TNFSF18: variants seen among roughly 807,000 people sequenced by gnomAD.
The protein encoded by TNFSF18 is tumor necrosis factor ligand superfamily member 18.
In TNFSF18, 6 loss-of-function variants were observed where a neutral mutation model predicts 9.6. The ratio of observed to expected loss-of-function variants is 0.63; its 90% CI spans 0.34 to 1.24. The LOEUF (loss-of-function observed/expected upper bound fraction) is 1.24, where lower values mean the gene tolerates loss of function less well. TNFSF18 is among the 50% of genes most tolerant of loss of function. The pLI is 0.03. For missense variants in TNFSF18, 210 were observed against 201.0 expected (o/e 1.04, Z -0.27); for synonymous variants, 68 against 71.7 (o/e 0.95, Z 0.26).
intron 1 of TNFSF18, among the ~76,000 whole-genome samples, chr1:173,048,466 G>C (rs1471799228): frequency 2.0e-5 from 3 of 152,094 alleles, no homozygotes; most frequent in Non-Finnish European, 4.4e-5. Context: ...CCTTCTGAAA[G>C]TATCCTTCAT....
chr1:173,048,375 C>A (rs1313108998), intron 1 of TNFSF18, among the ~76,000 whole-genome samples: 3 of 152,192 alleles, frequency 2.0e-5, no homozygotes, highest in Non-Finnish European at 4.4e-5. Flanking sequence ...CCAAAACAAT[C>A]ATTCTCTCTC....
intron 2 of TNFSF18, among the ~76,000 whole-genome samples, chr1:173,042,024 A>C (rs1665003095): frequency 6.6e-6 from 1 of 152,194 alleles, no homozygotes; most frequent in Non-Finnish European, 1.5e-5. Context: ...AAGGAGAAGA[A>C]AAGACTAATG....
At position 173,041,408 on chromosome 1, in the gene TNFSF18, A is replaced by G. The variant is rs1407062399; in HGVS notation, c.493T>C (p.Trp165Arg). 5 of 1,612,960 alleles carry G rather than the reference A, an allele frequency of 3.1e-6. No individual in the cohort carries two copies. Among genetic ancestry groups the G allele is most frequent in the Non-Finnish European group, 4.2e-6 (5 of 1,179,360 alleles). ...EHQVLKNNTY[W>R]GIILLANPQF... ...GGATTTGCTAGTAAAATGATACCCC[A>G]GTATGTATTATTTTTTAGAACCTGA... The change falls in exon 3 of 3, where the codon TGG becomes CGG. Residue 165 changes from tryptophan (W) to arginine (R), a missense_variant. Transcript: ENST00000404377.
rs1664985561 is a variant in TNFSF18 at position 173,041,274 on chromosome 1, G to A, written c.*93C>T. The A allele has an allele frequency of 1.1e-5, 12 of 1,071,526 alleles. No homozygotes were observed. The South Asian group carries it at 2.0e-4, about 18-fold the overall frequency. 66.4% of individuals were successfully genotyped at this position (1,071,526 alleles called of 1,614,324 possible). A position where few individuals can be genotyped will look rare whatever the true frequency, so the allele number is the denominator to read the frequency against. ...CTGTTTGTGTTGATTTTTGTAGACA[G>A]ACAAACTCTAGAAATTGAATATCTT... On this transcript the variant is annotated 3_prime_UTR_variant, in exon 3 of 3. Transcript: ENST00000404377.
chr1:173,046,738 G>A (rs1452305749), intron 1 of TNFSF18, among the ~76,000 whole-genome samples: 2 of 151,888 alleles, frequency 1.3e-5, no homozygotes, highest in Non-Finnish European at 2.9e-5. Flanking sequence ...CATATTATTA[G>A]TACTTGTATA....
chr1:173,049,126 G>T (rs1328168332), intron 1 of TNFSF18, among the ~76,000 whole-genome samples: 1 of 152,124 alleles, frequency 6.6e-6, no homozygotes, highest in Non-Finnish European at 1.5e-5. Context: ...AAACACATGG[G>T]ATTAATCCAG....
At chr1:173,046,385 G>A (rs1419240720) in intron 1 of TNFSF18, among the ~76,000 whole-genome samples, 1 of 152,146 alleles carries the variant, frequency 6.6e-6, no homozygotes, top group Admixed American at 6.5e-5. Flanking sequence ...GGTATGACAT[G>A]ATAAGAATAT....
At chr1:173,047,302 T>A (rs1665101647) in intron 1 of TNFSF18, among the ~76,000 whole-genome samples, 1 of 152,176 alleles carries the variant, frequency 6.6e-6, no homozygotes, top group Non-Finnish European at 1.5e-5. Context: ...TTAACCCCAA[T>A]TTCCTCATCT....
At chr1:173,045,390 G>T (rs1238859643) in intron 1 of TNFSF18, among the ~76,000 whole-genome samples, 3 of 152,158 alleles carry the variant, frequency 2.0e-5, no homozygotes, top group Admixed American at 2.0e-4. Context: ...GTGATCAGCT[G>T]GTGTCAAATG....
intron 1 of TNFSF18, among the ~76,000 whole-genome samples, chr1:173,048,729 T>TG (rs1195957708): frequency 6.6e-6 from 1 of 152,156 alleles, no homozygotes; most frequent in Non-Finnish European, 1.5e-5. Flanking sequence ...ATCTGGAAAG[T>TG]GGGACTTTGT....
At chr1:173,050,157 C>G (rs1411382097) in intron 1 of TNFSF18, among the ~76,000 whole-genome samples, 3 of 152,130 alleles carry the variant, frequency 2.0e-5, no homozygotes, top group Admixed American at 2.0e-4. Context: ...TAAATCCATT[C>G]CCCTACCACC....
Position 173,041,512 on chromosome 1 carries a change from T to C in TNFSF18, c.389A>G (p.Lys130Arg). The change falls in exon 3 of 3, where the codon AAA becomes AGA. Residue 130 changes from lysine (K) to arginine (R), a missense_variant. Physicochemically the swap from Lys to Arg is conservative, Grantham distance 26 (BLOSUM62 2). Transcript: ENST00000404377. Reference sequence around the variant, plus strand: ...CCCTCCTACATTTTGGATTTTAGATTTGTTTGTTAGAGTTTGTATCATGTC... The same window carrying C: ...CCCTCCTACATTTTGGATTTTAGATCTGTTTGTTAGAGTTTGTATCATGTC... ...NKDMIQTLTN[K>R]SKIQNVGGTY... 1 of 1,613,466 alleles carries C rather than the reference T, an allele frequency of 6.2e-7. No individual in the cohort carries two copies. Among genetic ancestry groups the C allele is most frequent in the South Asian group, 1.1e-5 (1 of 91,066 alleles).
At chr1:173,044,083 A>G in intron 1 of TNFSF18, 114 bp from the exon 2 acceptor site, 1 of 985,178 alleles carries the variant, frequency 1.0e-6, no homozygotes, top group Non-Finnish European at 1.6e-6. Context: ...CTATAACCAT[A>G]AAAAAAATCC....
chr1:173,047,974 G>C (rs947977724), intron 1 of TNFSF18, among the ~76,000 whole-genome samples: 1 of 152,086 alleles, frequency 6.6e-6, no homozygotes, highest in African/African-American at 2.4e-5. Flanking sequence ...TAATAGTAAT[G>C]GGGCAAATAT....
At chr1:173,046,350 T>C (rs1322228902) in intron 1 of TNFSF18, among the ~76,000 whole-genome samples, 2 of 152,126 alleles carry the variant, frequency 1.3e-5, no homozygotes, top group African/African-American at 2.4e-5. Context: ...GCATCCATCA[T>C]TGAATGATGG....
At chr1:173,045,691 C>T (rs772390151) in intron 1 of TNFSF18, among the ~76,000 whole-genome samples, 5 of 151,830 alleles carry the variant, frequency 3.3e-5, no homozygotes, top group South Asian at 2.1e-4. Flanking sequence ...AATGACAACA[C>T]GTTTTTCTAT....
At position 173,041,321 on chromosome 1, in the gene TNFSF18, G is replaced by A; in HGVS notation, c.*46C>T. 1 of 1,427,690 alleles carries A rather than the reference G, an allele frequency of 7.0e-7. No homozygotes were observed. The highest frequency in any genetic ancestry group is 9.5e-7 in the Non-Finnish European group (1 of 1,050,254). 88.4% of individuals were successfully genotyped at this position (1,427,690 alleles called of 1,614,324 possible). ...TCTTCTCCCTCCAATCCACCCACTG[G>A]CACCTCTACATGTGCTGAAGGGAAT... On this transcript the variant is annotated 3_prime_UTR_variant, in exon 3 of 3. Coordinates refer to ENST00000404377, the MANE Select transcript of TNFSF18 (RefSeq NM_005092.4).
In TNFSF18 at chr1:173,039,948, C is replaced by A. The variant is rs950378580; in HGVS notation, c.*1419G>T. The stretch of plus-strand genomic sequence containing the variant: ...TTTGTTAAACAAAATACAAAAAAAA[C>A]CTCTTTTAAATAGCTTTACATGTAA... On this transcript the variant is annotated 3_prime_UTR_variant, in exon 3 of 3. Transcript: ENST00000404377. 4.0e-5 allele frequency: 6 copies of A among 149,400 alleles called. No individual in the cohort carries two copies. The highest frequency in any genetic ancestry group is 2.2e-4 in the South Asian group (1 of 4,632). 9.3% of individuals were successfully genotyped at this position (149,400 alleles called of 1,614,324 possible).
chr1:173,045,268 G>T (rs529356742), intron 1 of TNFSF18, among the ~76,000 whole-genome samples: 48 of 152,120 alleles, frequency 3.2e-4, no homozygotes, highest in Non-Finnish European at 6.2e-4. Flanking sequence ...AGAGGTCGGA[G>T]AATGAGAAAG....
Sources: allele counts gnomAD v4.1 joint callset (sites outside exome capture counted in the v4.1 genomes callset), GRCh38; gene constraint gnomAD v4.1.1; transcripts MANE v1.5; gene names NCBI Gene and HGNC (gene_info 2026-07-23, HGNC 2026-07-21).